The following NALF1 variants were observed in gnomAD, a reference collection of about 807,000 sequenced individuals.
The protein encoded by NALF1 is NALCN channel auxiliary factor 1, also known as family with sequence similarity 155 member A.
NALF1 carries 3 observed loss-of-function variants against 48.4 expected under a neutral mutation model. That is an observed-to-expected ratio of 0.06 (90% CI 0.03 to 0.16). The LOEUF is 0.16. Among genes scored for constraint, NALF1 ranks in the 10% least tolerant of loss-of-function variants. The pLI, the probability that NALF1 is intolerant of heterozygous loss-of-function variation, is 1.00. For synonymous variants in NALF1, 262 were observed against 245.7 expected (o/e 1.07, Z -0.62); for missense variants, 526 against 571.5 (o/e 0.92, Z 0.81).
intron 1 of NALF1, among the ~76,000 whole-genome samples, chr13:107,243,998 G>A (rs930824500): frequency 6.6e-6 from 1 of 152,146 alleles, no homozygotes; most frequent in Non-Finnish European, 1.5e-5. Context: ...TAGCCTCCTG[G>A]ACTCTGCAGA....
intron 1 of NALF1, among the ~76,000 whole-genome samples, chr13:107,727,393 C>A (rs149762767): frequency 1.2e-3 from 180 of 152,194 alleles, no homozygotes; most frequent in African/African-American, 4.1e-3. Flanking sequence ...CATGAGAGTT[C>A]CATAGGCTGA....
At chr13:107,231,994 G>C (rs1880236285) in intron 1 of NALF1, among the ~76,000 whole-genome samples, 1 of 152,168 alleles carries the variant, frequency 6.6e-6, no homozygotes, top group Non-Finnish European at 1.5e-5. Context: ...GAGTGTCAAA[G>C]ACATGGAATT....
intron 1 of NALF1, among the ~76,000 whole-genome samples, chr13:107,436,083 G>A (rs555253760): frequency 1.8e-4 from 27 of 152,196 alleles, no homozygotes; most frequent in African/African-American, 5.5e-4. Flanking sequence ...ACACACCAAC[G>A]GCAACAGTAA....
intron 1 of NALF1, among the ~76,000 whole-genome samples, chr13:107,562,263 A>T (rs1024722434): frequency 6.6e-6 from 1 of 152,212 alleles, no homozygotes. Flanking sequence ...TCTGTAACAC[A>T]GGCTATTTTG....
chr13:107,396,677 C>T (rs1883718216), intron 1 of NALF1, among the ~76,000 whole-genome samples: 1 of 152,176 alleles, frequency 6.6e-6, no homozygotes, highest in African/African-American at 2.4e-5. Flanking sequence ...ATTATTAGCA[C>T]TTACTGAAAG....
At chr13:107,368,495 C>T (rs1252332239) in intron 1 of NALF1, among the ~76,000 whole-genome samples, 1 of 152,088 alleles carries the variant, frequency 6.6e-6, no homozygotes, top group Non-Finnish European at 1.5e-5. Context: ...AAAGTACCAT[C>T]AGCAGGGCCA....
chr13:107,387,024 C>A (rs78483431), intron 1 of NALF1, among the ~76,000 whole-genome samples: 5 of 152,052 alleles, frequency 3.3e-5, no homozygotes, highest in Non-Finnish European at 7.4e-5. Context: ...TGAAAAGCAA[C>A]AACAACAACA....
intron 1 of NALF1, among the ~76,000 whole-genome samples, chr13:107,569,679 C>A (rs900550296): frequency 2.0e-5 from 3 of 152,102 alleles, no homozygotes; most frequent in African/African-American, 2.4e-5. Flanking sequence ...AGTGATTCTT[C>A]CCATTTTATT....
At chr13:107,591,391 T>C (rs1878599340) in intron 1 of NALF1, among the ~76,000 whole-genome samples, 1 of 152,060 alleles carries the variant, frequency 6.6e-6, no homozygotes, top group Non-Finnish European at 1.5e-5. Flanking sequence ...GACTGAAAGA[T>C]TTCAGTACAT....
intron 1 of NALF1, among the ~76,000 whole-genome samples, chr13:107,418,054 T>G (rs1884121382): frequency 6.6e-6 from 1 of 152,190 alleles, no homozygotes; most frequent in East Asian, 1.9e-4. Flanking sequence ...AGAGCAAGAC[T>G]GTGTCTCAAA....
chr13:107,748,371 C>T (rs1449653367), intron 1 of NALF1, among the ~76,000 whole-genome samples: 1 of 152,088 alleles, frequency 6.6e-6, no homozygotes, highest in African/African-American at 2.4e-5. Flanking sequence ...ACGTAAATTA[C>T]CTTGTTTAAT....
At chr13:107,252,101 C>T (rs1329024220) in intron 1 of NALF1, among the ~76,000 whole-genome samples, 2 of 152,134 alleles carry the variant, frequency 1.3e-5, no homozygotes, top group South Asian at 2.1e-4. Flanking sequence ...CTACCACCCC[C>T]ACTGGGCATG....
rs138725368 is a variant in NALF1 at position 107,497,773 on chromosome 13, G to A, written c.916-287018C>T. Among the ~76,000 whole-genome samples, 16 of 152,272 alleles carry A rather than the reference G, an allele frequency of 1.1e-4. No individual in the cohort carries two copies. The East Asian group carries it at 2.3e-3, about 22-fold the overall frequency. ...AGTCCAAGGTCAGAAGCCCTGCCTC[G>A]TGTAACTTCATATGCTTACAGCTCC... is the stretch of plus-strand genomic sequence containing the variant. On this transcript the variant is annotated intron_variant, in intron 1 of 2. Transcript: ENST00000375915.
At chr13:107,687,092 C>T (rs1044403543) in intron 1 of NALF1, among the ~76,000 whole-genome samples, 6 of 152,158 alleles carry the variant, frequency 3.9e-5, no homozygotes, top group Non-Finnish European at 5.9e-5. Flanking sequence ...AAATATGGTG[C>T]ATATACACCA....
intron 1 of NALF1, among the ~76,000 whole-genome samples, chr13:107,539,637 A>C (rs1325452644): frequency 6.6e-6 from 1 of 152,190 alleles, no homozygotes. Context: ...CAATACATTA[A>C]TATTCTGAAA....
chr13:107,730,477 T>C (rs1283004945), intron 1 of NALF1, among the ~76,000 whole-genome samples: 1 of 152,268 alleles, frequency 6.6e-6, no homozygotes, highest in East Asian at 1.9e-4. Flanking sequence ...TAATTTACTA[T>C]AATGCTTTCC....
chr13:107,505,653 A>G (rs992972335), intron 1 of NALF1, among the ~76,000 whole-genome samples: 5 of 152,172 alleles, frequency 3.3e-5, no homozygotes, highest in African/African-American at 1.2e-4. Context: ...GTGGTGGGCA[A>G]TGGAGATTAG....
intron 1 of NALF1, among the ~76,000 whole-genome samples, chr13:107,850,718 C>T (rs1321122962): frequency 6.6e-6 from 1 of 152,086 alleles, no homozygotes; most frequent in Admixed American, 6.5e-5. Context: ...GCCTGGCCAA[C>T]ATGGTGAAAC....
rs1374798655 is a variant in NALF1, at chr13:107,302,939, G to T, written c.916-92184C>A. Among the ~76,000 whole-genome samples the T allele has an allele frequency of 2.0e-5, 3 of 152,210 alleles. No homozygotes were observed. In the East Asian group the frequency reaches 5.8e-4, roughly 29 times the overall value. On this transcript the variant is annotated intron_variant, in intron 1 of 2. Transcript: ENST00000375915. Reference sequence around the variant, plus strand: ...TGAAGAATGTGCAAAAACAAGCTGTGTGCCCGATTTGGCTTTCAGGCTGTA... The same window carrying T: ...TGAAGAATGTGCAAAAACAAGCTGTTTGCCCGATTTGGCTTTCAGGCTGTA...
Sources: gnomAD v4.1 joint callset for allele counts (sites outside exome capture counted in the v4.1 genomes callset) on GRCh38, gnomAD v4.1.1 for gene constraint, MANE v1.5 for transcripts, NCBI Gene and HGNC (gene_info 2026-07-23, HGNC 2026-07-21) for gene names.